KL: variants seen among roughly 807,000 people sequenced by gnomAD.
KL encodes klotho.
Under a neutral mutation model 84.2 loss-of-function variants are expected in KL, and 62 were observed. The observed-to-expected ratio is 0.74, with a 90% CI of 0.60 to 0.91. KL has a LOEUF of 0.91. Among genes scored for constraint, KL ranks in the 40% least tolerant of loss-of-function variants. The pLI is 0.00. For synonymous variants in KL, 528 were observed against 528.0 expected (o/e 1.00, Z 0.00); for missense variants, 1,261 against 1,305.7 (o/e 0.97, Z 0.53).
chr13:33,050,777 G>T (rs1361683859), intron 1 of KL, among the ~76,000 whole-genome samples: 1 of 152,214 alleles, frequency 6.6e-6, no homozygotes, highest in Non-Finnish European at 1.5e-5. Flanking sequence ...TATCTGAAAT[G>T]CTTTCTAATG....
At chr13:33,063,457 C>T (rs914226470) in intron 4 of KL, among the ~76,000 whole-genome samples, 4 of 151,990 alleles carry the variant, frequency 2.6e-5, no homozygotes, top group Admixed American at 6.6e-5. Context: ...TAAATGGTAT[C>T]GGAAACTTCC....
At chr13:33,027,554 T>C (rs927253101) in intron 1 of KL, among the ~76,000 whole-genome samples, 2 of 152,198 alleles carry the variant, frequency 1.3e-5, no homozygotes, top group East Asian at 1.9e-4. Context: ...CTTTAACTGT[T>C]TGTTATTGGC....
chr13:33,058,381 C>T (rs1308622918), intron 3 of KL, among the ~76,000 whole-genome samples: 1 of 150,652 alleles, frequency 6.6e-6, no homozygotes, highest in African/African-American at 2.4e-5. Flanking sequence ...TGCTCTGTCG[C>T]CCAGGCTGGA....
chr13:33,041,433 A>C (rs986234222), intron 1 of KL, among the ~76,000 whole-genome samples: 1 of 149,498 alleles, frequency 6.7e-6, no homozygotes, highest in Non-Finnish European at 1.5e-5. Context: ...CTTTGGCACC[A>C]ACCTAATACT....
intron 1 of KL, among the ~76,000 whole-genome samples, chr13:33,017,812 A>G (rs943332122): frequency 3.3e-5 from 5 of 152,166 alleles, no homozygotes; most frequent in Non-Finnish European, 5.9e-5. Flanking sequence ...CAGGGCAGGG[A>G]ACTGCATCCA....
rs771390180 is a variant in KL at position 33,017,219 on chromosome 13, G to A, written c.779G>A (p.Ser260Asn). The A allele has an allele frequency of 1.9e-5, 30 of 1,592,376 alleles. No homozygotes were observed. Among genetic ancestry groups the A allele is most frequent in the Non-Finnish European group, 2.4e-5 (28 of 1,176,590 alleles). The change falls in exon 1 of 5, where the codon AGC (serine) becomes AAC (asparagine). Residue 260 changes from serine to asparagine, a missense_variant. Ser to Asn is a conservative substitution (Grantham distance 46, BLOSUM62 1). Transcript: ENST00000380099. ...TGRLAPGIRGSPRLGYLVAHN... is the reference protein window; with the variant it reads ...TGRLAPGIRGNPRLGYLVAHN... ...CGCCTGGCCCCCGGCATCCGGGGCA[G>A]CCCGCGGCTCGGGTACCTGGTGGCG...
intron 1 of KL, among the ~76,000 whole-genome samples, chr13:33,026,938 C>T (rs1042738172): frequency 6.6e-6 from 1 of 152,172 alleles, no homozygotes; most frequent in Non-Finnish European, 1.5e-5. Flanking sequence ...GTTAGGGCAA[C>T]AATGTCAGGC....
intron 1 of KL, among the ~76,000 whole-genome samples, chr13:33,042,070 A>T (rs1320299811): frequency 3.3e-5 from 5 of 152,128 alleles, no homozygotes; most frequent in Non-Finnish European, 4.4e-5. Flanking sequence ...AAATATATAT[A>T]TTTTTTTAAC....
In KL at chr13:33,016,690, G is replaced by T. The variant is rs532492897; in HGVS notation, c.250G>T (p.Gly84Cys). Residue 84 changes from glycine to cysteine, a missense_variant, in exon 1 of 5, where the codon GGC (glycine) becomes TGC (cysteine). Physicochemically the swap from Gly to Cys is radical, Grantham distance 159. Coordinates refer to ENST00000380099, the MANE Select transcript of KL (RefSeq NM_004795.4). ...YQTEGGWQQHGKGASIWDTFT... is the reference protein window; with the variant it reads ...YQTEGGWQQHCKGASIWDTFT... Reference sequence around the variant, plus strand: ...GACCGAGGGCGGCTGGCAGCAGCACGGCAAGGGTGCGTCCATCTGGGATAC... The same window carrying T: ...GACCGAGGGCGGCTGGCAGCAGCACTGCAAGGGTGCGTCCATCTGGGATAC... The T allele has an allele frequency of 1.2e-5, 20 of 1,605,570 alleles. No homozygotes were observed. The African/African-American group carries it at 2.5e-4, about 20-fold the overall frequency.
chr13:33,063,962 G>A lies in KL; in HGVS notation c.2815G>A (p.Ala939Thr). 1 of 1,614,124 alleles carries A rather than the reference G, an allele frequency of 6.2e-7. No individual in the cohort carries two copies. Among genetic ancestry groups the A allele is most frequent in the Non-Finnish European group, 8.5e-7 (1 of 1,180,026 alleles). ...RYAADQFEPK[A>T]SMKHYRKIID... is the part of the protein sequence containing the mutation. ...TGCTGCAGATCAGTTTGAGCCCAAG[G>A]CATCCATGAAACATTACAGGAAAAT... The change falls in exon 5 of 5, where the codon GCA (alanine) becomes ACA (threonine). Residue 939 changes from alanine to threonine, a missense_variant. Ala to Thr is a moderately conservative substitution (Grantham distance 58). Coordinates refer to ENST00000380099, the MANE Select transcript of KL (RefSeq NM_004795.4).
chr13:33,024,131 T>A (rs1182667685), intron 1 of KL, among the ~76,000 whole-genome samples: 2 of 112,900 alleles, frequency 1.8e-5, no homozygotes, highest in African/African-American at 6.3e-5. Context: ...TTCACATATT[T>A]GAAAAGACAT....
At chr13:33,019,184 T>C (rs1476207629) in intron 1 of KL, among the ~76,000 whole-genome samples, 6 of 152,340 alleles carry the variant, frequency 3.9e-5, no homozygotes, top group African/African-American at 1.4e-4. Flanking sequence ...GTTTGGTGTT[T>C]AGTCATTCTT....
intron 1 of KL, among the ~76,000 whole-genome samples, chr13:33,040,877 G>T (rs1871313748): frequency 6.6e-6 from 1 of 151,976 alleles, no homozygotes; most frequent in East Asian, 1.9e-4. Context: ...TGAGTTCCTT[G>T]ATTCCTCTTC....
At position 33,064,354 on chromosome 13, in the gene KL, T is replaced by C. The variant is rs1459515477; in HGVS notation, c.*168T>C. On this transcript the variant is annotated 3_prime_UTR_variant, in exon 5 of 5. Coordinates refer to ENST00000380099, the MANE Select transcript of KL (RefSeq NM_004795.4). ...GTTTTGAAATGGGCATAGGTGATCG[T>C]AAAATATTGAATAATGCGAATAGTG... The C allele has an allele frequency of 6.8e-6, 4 of 586,904 alleles. No homozygotes were observed. Among genetic ancestry groups the C allele is most frequent in the Non-Finnish European group, 1.2e-5 (4 of 334,440 alleles). The allele number at this position is 586,904 out of a possible 1,614,324, so 36.4% of individuals were successfully genotyped here.
At chr13:33,041,823 A>T (rs889308502) in intron 1 of KL, among the ~76,000 whole-genome samples, 1 of 152,058 alleles carries the variant, frequency 6.6e-6, no homozygotes, top group Admixed American at 6.6e-5. Flanking sequence ...AGCATTCTTC[A>T]CTTTTTCTGT....
rs1870599584 is a variant in KL at position 33,022,164 on chromosome 13, T to C, written c.819+4905T>C. Among the ~76,000 whole-genome samples the C allele has an allele frequency of 2.0e-5, 3 of 152,184 alleles. No homozygotes were observed. In the South Asian group the frequency reaches 6.2e-4, roughly 32 times the overall value. ...TTTGAGTTGAAGAAAAGAAGGAAAATGTAAACTATGCATTCAAGTAATGTC... is the reference window on the plus strand; with the variant it reads ...TTTGAGTTGAAGAAAAGAAGGAAAACGTAAACTATGCATTCAAGTAATGTC... On this transcript the variant is annotated intron_variant, in intron 1 of 4. Coordinates refer to ENST00000380099, the MANE Select transcript of KL (RefSeq NM_004795.4).
chr13:33,064,392 C>T lies in KL; in HGVS notation c.*206C>T. 1 of 503,022 alleles carries T rather than the reference C, an allele frequency of 2.0e-6. No individual in the cohort carries two copies. The highest frequency in any genetic ancestry group is 1.9e-5 in the African/African-American group (1 of 52,500). 31.2% of individuals were successfully genotyped at this position (503,022 alleles called of 1,614,324 possible). On this transcript the variant is annotated 3_prime_UTR_variant, in exon 5 of 5. Coordinates refer to ENST00000380099, the MANE Select transcript of KL (RefSeq NM_004795.4). ...AATGCGAATAGTGCCTGAATTTGTT[C>T]TCTTTTTGGGTGATTAAAAAACTGA...
At chr13:33,033,009 T>G (rs1871028288) in intron 1 of KL, among the ~76,000 whole-genome samples, 1 of 152,210 alleles carries the variant, frequency 6.6e-6, no homozygotes, top group African/African-American at 2.4e-5. Context: ...TTATTCTATG[T>G]ACCTATGTTT....
intron 1 of KL, among the ~76,000 whole-genome samples, chr13:33,020,547 C>CACAT (rs3831610): frequency 0.31 from 46,972 of 151,828 alleles, 8,354 homozygotes; most frequent in Admixed American, 0.43. Flanking sequence ...TCACATCGAA[C>CACAT]ACATCCCAAA....
Sources: gnomAD v4.1 joint callset for allele counts (sites outside exome capture counted in the v4.1 genomes callset) on GRCh38, gnomAD v4.1.1 for gene constraint, MANE v1.5 for transcripts, NCBI Gene and HGNC (gene_info 2026-07-23, HGNC 2026-07-21) for gene names.